The following RARB variants were observed in gnomAD, a reference collection of about 807,000 sequenced individuals.
The protein encoded by RARB is retinoic acid receptor beta.
RARB carries 17 observed loss-of-function variants against 51.9 expected under a neutral mutation model. The ratio of observed to expected loss-of-function variants is 0.33; its 90% CI spans 0.22 to 0.49. The LOEUF (loss-of-function observed/expected upper bound fraction) is 0.49. Ranked by LOEUF, RARB falls within the 20% of genes least tolerant of loss-of-function variation. The probability of loss-of-function intolerance (pLI) is 0.99; values close to 1 mark genes in which losing one functional copy is unlikely to be tolerated. For missense variants in RARB, 369 were observed against 550.8 expected (o/e 0.67, Z 3.30); for synonymous variants, 215 against 195.4 (o/e 1.10, Z -0.84).
chr3:24,961,906 T>C (rs972016984), intron 2 of RARB, among the ~76,000 whole-genome samples: 1 of 150,468 alleles, frequency 6.6e-6, no homozygotes, highest in East Asian at 2.0e-4. Context: ...ACCTTAGTGT[T>C]CCCTTTGGGT....
chr3:24,845,639 A>G lies in RARB; in HGVS notation c.-458-13035A>G, dbSNP rs191662300. Reference sequence around the variant, plus strand: ...TGGCAATCATCTATCAGTCATTGCTACACTCATGTACAGGTGGGAACAGCC... The same window carrying G: ...TGGCAATCATCTATCAGTCATTGCTGCACTCATGTACAGGTGGGAACAGCC... On this transcript the variant is annotated intron_variant, in intron 1 of 11. Coordinates refer to the RARB transcript ENST00000383772. Among the ~76,000 whole-genome samples, 314 of 152,308 alleles carry G rather than the reference A, an allele frequency of 2.1e-3. 1 individual carries two copies. Among genetic ancestry groups the G allele is most frequent in the Admixed American group, 3.1e-3 (47 of 15,300 alleles).
intron 2 of RARB, among the ~76,000 whole-genome samples, chr3:24,959,636 T>G (rs937269): frequency 4.7e-4 from 72 of 152,018 alleles, no homozygotes; most frequent in African/African-American, 1.7e-3. Context: ...CCAGGGACAC[T>G]GCCCTTTTCC....
chr3:25,490,332 A>G (rs546661219), intron 2 of RARB, among the ~76,000 whole-genome samples: 6 of 152,206 alleles, frequency 3.9e-5, no homozygotes, highest in Non-Finnish European at 7.3e-5. Context: ...ATAAAGCAAT[A>G]CAAGTACATC....
At chr3:25,083,891 GC>G (rs1699056935) in intron 3 of RARB, among the ~76,000 whole-genome samples, 2 of 152,076 alleles carry the variant, frequency 1.3e-5, no homozygotes, top group African/African-American at 4.8e-5. Context: ...TTAAGATATG[GC>G]CTTTATAAGG....
At chr3:25,158,929 G>A (rs1292906540) in intron 4 of RARB, among the ~76,000 whole-genome samples, 5 of 152,038 alleles carry the variant, frequency 3.3e-5, no homozygotes, top group African/African-American at 1.2e-4. Context: ...AAATTCTGTA[G>A]GCGATTTGGG....
intron 2 of RARB, among the ~76,000 whole-genome samples, chr3:24,886,346 G>T (rs531929393): frequency 5.7e-4 from 87 of 152,152 alleles, no homozygotes; most frequent in African/African-American, 2.0e-3. Context: ...TGGTTGTTCA[G>T]TTGAGCTGGC....
chr3:25,360,439 CTG>C (rs1412245157), intron 5 of RARB, among the ~76,000 whole-genome samples: 2 of 152,188 alleles, frequency 1.3e-5, no homozygotes, highest in African/African-American at 4.8e-5. Context: ...ATTTGCCAGT[CTG>C]TGTCTTTTAA....
chr3:25,229,334 T>C lies in RARB; in HGVS notation c.178+54759T>C, dbSNP rs561245825. Among the ~76,000 whole-genome samples, 393 of 152,286 alleles carry C rather than the reference T, an allele frequency of 2.6e-3. 2 individuals are homozygous for C. The highest frequency in any genetic ancestry group is 8.9e-3 in the African/African-American group (371 of 41,590). On this transcript the variant is annotated intron_variant, in intron 5 of 11. Coordinates refer to the RARB transcript ENST00000383772. ...CATAACTTTATTATCTTTTACCATATGAATTTCTTTCTGAAGGTATTCAAA... is the reference window on the plus strand; with the variant it reads ...CATAACTTTATTATCTTTTACCATACGAATTTCTTTCTGAAGGTATTCAAA...
rs571943361 is a variant in RARB at position 25,014,897 on chromosome 3, C to T, written c.-379-45228C>T. On this transcript the variant is annotated intron_variant, in intron 2 of 11. Coordinates refer to the RARB transcript ENST00000383772. ...TCTCCTCCTATTTTGGTTATATTTC[C>T]CTAACTTTGTTTATACTTCTGTTTC... 5.9e-5 allele frequency among the ~76,000 whole-genome samples: 9 copies of T among 152,012 alleles called. 1 individual carries two copies. The South Asian group carries it at 1.9e-3, about 32-fold the overall frequency.
At chr3:25,412,312 T>C (rs925665980) in intron 5 of RARB, among the ~76,000 whole-genome samples, 1 of 152,230 alleles carries the variant, frequency 6.6e-6, no homozygotes, top group African/African-American at 2.4e-5. Context: ...CTTTGGTGTT[T>C]TTTTAATTGA....
At chr3:25,091,401 TG>T (rs1265823113) in intron 3 of RARB, among the ~76,000 whole-genome samples, 1 of 152,192 alleles carries the variant, frequency 6.6e-6, no homozygotes, top group Admixed American at 6.6e-5. Flanking sequence ...GGTGAGTCTT[TG>T]GCAAACAGGA....
chr3:25,174,220 AC>A, exon 5 of RARB: 1 of 371,554 alleles, frequency 2.7e-6, no homozygotes, highest in Admixed American at 3.7e-5. Context: ...TAGCAAAATG[AC>A]AGGCAGAGAA....
chr3:24,932,592 G>A (rs1695464216), intron 2 of RARB, among the ~76,000 whole-genome samples: 1 of 152,014 alleles, frequency 6.6e-6, no homozygotes, highest in South Asian at 2.1e-4. Context: ...CCAGTAAGCT[G>A]AAAGTCTTCT....
chr3:25,129,951 A>G (rs1307442461), intron 3 of RARB, among the ~76,000 whole-genome samples: 2 of 152,068 alleles, frequency 1.3e-5, no homozygotes, highest in African/African-American at 4.8e-5. Context: ...GCTTTCCTTC[A>G]CTAAAACTGC....
chr3:25,088,181 G>A (rs74857188), intron 3 of RARB, among the ~76,000 whole-genome samples: 3,872 of 152,090 alleles, frequency 0.025, 165 homozygotes, highest in African/African-American at 0.089. Context: ...TTGTGATGAA[G>A]GAAGAGCTTC....
intron 2 of RARB, among the ~76,000 whole-genome samples, chr3:24,989,056 C>T (rs1461622950): frequency 6.6e-6 from 1 of 152,070 alleles, no homozygotes; most frequent in African/African-American, 2.4e-5. Flanking sequence ...GAACTCCTGA[C>T]CTTTGGTAAT....
At position 25,316,440 on chromosome 3, in the gene RARB, A is replaced by G. The variant is rs542800305; in HGVS notation, c.178+141865A>G. On this transcript the variant is annotated intron_variant, in intron 5 of 11. Coordinates refer to the RARB transcript ENST00000383772. ...GTAAATATTTTAAGCCAAGTCATCTAGTAGGATTAAGGCAAGAAACAGAAA... is the reference window on the plus strand; with the variant it reads ...GTAAATATTTTAAGCCAAGTCATCTGGTAGGATTAAGGCAAGAAACAGAAA... 2.0e-5 allele frequency among the ~76,000 whole-genome samples: 3 copies of G among 152,342 alleles called. No individual in the cohort carries two copies. In the South Asian group the frequency reaches 6.2e-4, roughly 32 times the overall value.
intron 3 of RARB, among the ~76,000 whole-genome samples, chr3:25,568,266 G>C (rs1700576510): frequency 6.6e-6 from 1 of 152,180 alleles, no homozygotes; most frequent in South Asian, 2.1e-4. Flanking sequence ...AAGTGAGGAA[G>C]GAACTTCTCA....
chr3:25,302,893 C>G (rs1023955665), intron 5 of RARB, among the ~76,000 whole-genome samples: 7 of 152,182 alleles, frequency 4.6e-5, no homozygotes, highest in African/African-American at 1.4e-4. Flanking sequence ...AAGTGCTATT[C>G]CCCATTTGTC....
Sources: gnomAD v4.1 joint callset for allele counts (sites outside exome capture counted in the v4.1 genomes callset) on GRCh38, gnomAD v4.1.1 for gene constraint, MANE v1.5 for transcripts, NCBI Gene and HGNC (gene_info 2026-07-23, HGNC 2026-07-21) for gene names.